The following DNMT3A variants were observed in gnomAD, a reference collection of about 807,000 sequenced individuals.
The protein encoded by DNMT3A is DNA (cytosine-5)-methyltransferase 3A.
A neutral mutation model predicts 117.6 loss-of-function variants in DNMT3A; 267 were observed. That is an observed-to-expected ratio of 2.27 (90% CI 2.05 to 2.51). DNMT3A has a LOEUF of 2.51. Among genes scored for constraint, DNMT3A ranks in the 30% most tolerant of loss-of-function variants. The pLI is 0.00. For synonymous variants in DNMT3A, 432 were observed against 474.8 expected (o/e 0.91, Z 1.17); for missense variants, 1,029 against 1,260.2 (o/e 0.82, Z 2.78).
Position 25,246,050 on chromosome 2 carries a change from C to A in DNMT3A, c.1444G>T (p.Glu482Ter), listed in dbSNP as rs769071767. 1 of 1,614,130 alleles carries A rather than the reference C, an allele frequency of 6.2e-7. No individual in the cohort carries two copies. Among genetic ancestry groups the A allele is most frequent in the Non-Finnish European group, 8.5e-7 (1 of 1,179,974 alleles). The change falls in exon 12 of 23, where the codon GAG becomes TAG. Residue 482 changes from glutamate to a stop codon, truncating the protein, a stop_gained. Coordinates refer to ENST00000321117, the MANE Select transcript of DNMT3A (RefSeq NM_022552.5). LOFTEE classifies it high-confidence loss of function. Reference protein sequence around the residue: ...DERTRERLVYEVRQKCRNIED... With the variant: ...DERTRERLVY Reference sequence around the variant, plus strand: ...ATGTTCCGGCACTTCTGCCGCACCTCGTACACCAGCCGCTCTGCAAGGGGA... The same window carrying A: ...ATGTTCCGGCACTTCTGCCGCACCTAGTACACCAGCCGCTCTGCAAGGGGA...
intron 6 of DNMT3A, among the ~76,000 whole-genome samples, chr2:25,250,276 G>C (rs1471035943): frequency 6.6e-6 from 1 of 152,176 alleles, no homozygotes; most frequent in Non-Finnish European, 1.5e-5. Flanking sequence ...GAGTCTTCAA[G>C]TCTTTGCCTC....
chr2:25,341,814 G>T lies in DNMT3A; in HGVS notation c.-178+12C>A. 1 of 979,508 alleles carries T rather than the reference G, an allele frequency of 1.0e-6. No individual in the cohort carries two copies. Among genetic ancestry groups the T allele is most frequent in the South Asian group, 4.6e-5 (1 of 21,638 alleles). The allele number at this position is 979,508 out of a possible 1,614,324, so 60.7% of individuals were successfully genotyped here. On this transcript the variant is annotated intron_variant, in intron 1 of 22. Transcript: ENST00000321117. ...GCCGGCCTTCCGGGCCGCCAGCAGCGGCGCTCATTACCGTATGGCCGGTGG... is the reference window on the plus strand; with the variant it reads ...GCCGGCCTTCCGGGCCGCCAGCAGCTGCGCTCATTACCGTATGGCCGGTGG...
Position 25,253,848 on chromosome 2 carries a change from C to A in DNMT3A, c.640-5596G>T, listed in dbSNP as rs190627156. 2.3e-3 allele frequency among the ~76,000 whole-genome samples: 344 copies of A among 152,148 alleles called. 1 individual carries two copies. The highest frequency in any genetic ancestry group is 7.8e-3 in the African/African-American group (324 of 41,516). On this transcript the variant is annotated intron_variant, in intron 6 of 22. Transcript: ENST00000321117. ...CAGCACTTTGGAAGGCTGAGGCAGG[C>A]GGATCATGAGGTCAGGAGTTTGAGA... is the stretch of plus-strand genomic sequence containing the variant.
chr2:25,263,143 C>G (rs565731736), intron 6 of DNMT3A, among the ~76,000 whole-genome samples: 1 of 151,962 alleles, frequency 6.6e-6, no homozygotes, highest in South Asian at 2.1e-4. Flanking sequence ...GCCATGTTGC[C>G]CAGGCTGCTC....
chr2:25,308,089 C>T (rs933072492), intron 2 of DNMT3A, among the ~76,000 whole-genome samples: 2 of 152,218 alleles, frequency 1.3e-5, no homozygotes, highest in Non-Finnish European at 2.9e-5. Context: ...TCTGTCCCCA[C>T]CCATGGTTTC....
intron 2 of DNMT3A, among the ~76,000 whole-genome samples, chr2:25,301,213 G>A (rs2033495304): frequency 6.6e-6 from 1 of 151,412 alleles, no homozygotes; most frequent in South Asian, 2.1e-4. Flanking sequence ...AGGTTGCAGT[G>A]AGCCAAGATC....
chr2:25,304,778 C>T lies in DNMT3A; in HGVS notation c.73-4535G>A, dbSNP rs1030926796. Among the ~76,000 whole-genome samples, 3 of 152,222 alleles carry T rather than the reference C, an allele frequency of 2.0e-5. No homozygotes were observed. The highest frequency in any genetic ancestry group is 2.9e-5 in the Non-Finnish European group (2 of 68,044). On this transcript the variant is annotated intron_variant, in intron 2 of 22. Coordinates refer to ENST00000321117, the MANE Select transcript of DNMT3A (RefSeq NM_022552.5). This position sits in a 1 kb window ranked among gnomAD's most constrained non-coding sequence, Gnocchi z 4.3. ...ACCAAGCGCGAAAGCAAACTGCTTC[C>T]GGCCTCAGCCCCTAGGCATAGACTG...
Position 25,247,020 on chromosome 2 carries a change from C to G in DNMT3A, c.1122+31G>C. ...TCCAGGCCTCCTAGTGCTCTAGGCT[C>G]CTCCTCCGAGCTCCCAGCAGGGACA... On this transcript the variant is annotated intron_variant, in intron 9 of 22. Coordinates refer to ENST00000321117, the MANE Select transcript of DNMT3A (RefSeq NM_022552.5). This position sits in a 1 kb window ranked among gnomAD's most constrained non-coding sequence, Gnocchi z 5.6. The G allele has an allele frequency of 6.2e-7, 1 of 1,604,328 alleles. No individual in the cohort carries two copies. The highest frequency in any genetic ancestry group is 8.5e-7 in the Non-Finnish European group (1 of 1,174,984).
chr2:25,247,410 C>A lies in DNMT3A; in HGVS notation c.1014+181G>T. ...CTAAAACTGGGCCAGCATCCTAGCT[C>A]TCTGAGCCACAGGTGCAACCTAATT... On this transcript the variant is annotated intron_variant, in intron 8 of 22. Coordinates refer to ENST00000321117, the MANE Select transcript of DNMT3A (RefSeq NM_022552.5). The surrounding 1 kb of genome is among the most constrained non-coding windows in gnomAD (Gnocchi z 5.6). 9.7e-7 allele frequency: 1 copy of A among 1,031,378 alleles called. No individual in the cohort carries two copies. The allele number at this position is 1,031,378 out of a possible 1,614,324, so 63.9% of individuals were successfully genotyped here.
chr2:25,235,364 T>C (rs892283805), intron 22 of DNMT3A, among the ~76,000 whole-genome samples: 1 of 152,152 alleles, frequency 6.6e-6, no homozygotes, highest in Non-Finnish European at 1.5e-5. Context: ...TTTGTATTTT[T>C]AGTAGAGACG....
At chr2:25,333,648 G>A (rs529266563) in intron 1 of DNMT3A, among the ~76,000 whole-genome samples, 5 of 152,170 alleles carry the variant, frequency 3.3e-5, no homozygotes, top group African/African-American at 9.7e-5. Context: ...GGGTCTTACA[G>A]AGCAGCAGGG....
chr2:25,290,377 A>G (rs1158396749), intron 3 of DNMT3A, among the ~76,000 whole-genome samples: 4 of 148,160 alleles, frequency 2.7e-5, no homozygotes, highest in African/African-American at 1.0e-4. Context: ...CTGGAGTGCA[A>G]TGGTGTGATC....
At chr2:25,255,443 A>G (rs572435989) in intron 6 of DNMT3A, among the ~76,000 whole-genome samples, 46 of 152,364 alleles carry the variant, frequency 3.0e-4, no homozygotes, top group Admixed American at 2.9e-3. Flanking sequence ...CTCCTGGATG[A>G]GAAGAAAATA....
upstream of DNMT3A, chr2:25,342,419 CG>C (rs1166786042): frequency 3.3e-5 from 5 of 152,204 alleles, no homozygotes; most frequent in African/African-American, 9.7e-5. This position sits in a 1 kb window ranked among gnomAD's most constrained non-coding sequence, Gnocchi z 5.9. Context: ...CCACGCTGGG[CG>C]CCCCGCTACC....
Position 25,311,656 on chromosome 2 carries a change from T to C in DNMT3A, c.72+2257A>G, listed in dbSNP as rs892548251. On this transcript the variant is annotated intron_variant, in intron 2 of 22. Transcript: ENST00000321117. The surrounding 1 kb of genome is among the most constrained non-coding windows in gnomAD (Gnocchi z 5.2). ...AGCAGTTACTATGGGTAGATAATAA[T>C]AGCAATCGTAATCCCTCATAATTGG... Among the ~76,000 whole-genome samples the C allele has an allele frequency of 1.3e-5, 2 of 152,178 alleles. No homozygotes were observed. Among genetic ancestry groups the C allele is most frequent in the African/African-American group, 2.4e-5 (1 of 41,434 alleles).
At position 25,272,977 on chromosome 2, in the gene DNMT3A, A is replaced by ATTTTTTTT. The variant is rs70947875; in HGVS notation, c.639+1956_639+1963dup. Among the ~76,000 whole-genome samples, 83 of 106,474 alleles carry ATTTTTTTT rather than the reference A, an allele frequency of 7.8e-4. 4 individuals are homozygous for ATTTTTTTT. The highest frequency in any genetic ancestry group is 3.0e-3 in the African/African-American group (70 of 23,356). 69.9% of individuals were successfully genotyped at this position (106,474 alleles called of 152,430 possible). ...CCACCACACCTGGCTAATTGTTTGT[A>ATTTTTTTT]TTTTTTTTTTTTTTGAGACAGAGTT... On this transcript the variant is annotated intron_variant, in intron 6 of 22. Coordinates refer to ENST00000321117, the MANE Select transcript of DNMT3A (RefSeq NM_022552.5).
chr2:25,261,983 A>G (rs998397643), intron 6 of DNMT3A, among the ~76,000 whole-genome samples: 4 of 152,028 alleles, frequency 2.6e-5, no homozygotes, highest in South Asian at 2.1e-4. Flanking sequence ...TCAGGAGATC[A>G]AGACCATCCT....
intron 6 of DNMT3A, chr2:25,251,912 C>A: frequency 2.1e-6 from 1 of 485,476 alleles, no homozygotes. Flanking sequence ...CTGCAGTTAC[C>A]ACTGCCCGGG....
intron 2 of DNMT3A, among the ~76,000 whole-genome samples, chr2:25,301,986 C>A (rs1360709347): frequency 6.6e-6 from 1 of 152,192 alleles, no homozygotes; most frequent in Non-Finnish European, 1.5e-5. Flanking sequence ...CCTACTGTGA[C>A]CAGCTGTAGA....
Sources: gnomAD v4.1 joint callset for allele counts (sites outside exome capture counted in the v4.1 genomes callset) on GRCh38, gnomAD v4.1.1 for gene constraint, Gnocchi (gnomAD v3.1) non-coding constraint, MANE v1.5 for transcripts, NCBI Gene and HGNC (gene_info 2026-07-23, HGNC 2026-07-21) for gene names.